The following MYT1L variants were observed in gnomAD, a reference collection of about 807,000 sequenced individuals.
MYT1L encodes myelin transcription factor 1 like, also known as myelin transcription factor 1-like protein.
A neutral mutation model predicts 126.7 loss-of-function variants in MYT1L; 12 were observed. The ratio of observed to expected loss-of-function variants is 0.09; its 90% CI spans 0.06 to 0.15. The LOEUF (loss-of-function observed/expected upper bound fraction) is 0.15, where lower values mean the gene tolerates loss of function less well. MYT1L is among the 10% of genes least tolerant of loss of function. The probability of loss-of-function intolerance (pLI) is 1.00; values close to 1 mark genes in which losing one functional copy is unlikely to be tolerated. For synonymous variants in MYT1L, 541 were observed against 604.2 expected, an observed-to-expected ratio of 0.90 and a Z score of 1.53; for missense variants, 979 against 1,585.2, an observed-to-expected ratio of 0.62 and a Z score of 6.49.
chr2:1,867,346 G>C lies in MYT1L; in HGVS notation c.2712-15643C>G, dbSNP rs191939493. On this transcript the variant is annotated intron_variant, in intron 18 of 24. Transcript: ENST00000647738. Reference sequence around the variant, plus strand: ...ACTCAGGCTATGAGCATCTTTCAGAGGCCCCATTGTCTTGGCTCTCACCCC... The same window carrying C: ...ACTCAGGCTATGAGCATCTTTCAGACGCCCCATTGTCTTGGCTCTCACCCC... 1.3e-3 allele frequency among the ~76,000 whole-genome samples: 197 copies of C among 152,228 alleles called. 2 individuals are homozygous for C. The highest frequency in any genetic ancestry group is 4.6e-3 in the African/African-American group (190 of 41,532).
intron 9 of MYT1L, among the ~76,000 whole-genome samples, chr2:1,941,861 C>A (rs1037743552): frequency 1.3e-5 from 2 of 152,124 alleles, no homozygotes; most frequent in Non-Finnish European, 2.9e-5. Flanking sequence ...AGGATTATTT[C>A]ATAAAATTCA....
intron 2 of MYT1L, among the ~76,000 whole-genome samples, chr2:2,282,036 A>G (rs2095454826): frequency 6.6e-6 from 1 of 152,214 alleles, no homozygotes; most frequent in Non-Finnish European, 1.5e-5. Context: ...TCAGAGTTAC[A>G]CATCAGAAAC....
At chr2:1,876,234 C>T (rs1016416627) in intron 18 of MYT1L, among the ~76,000 whole-genome samples, 2 of 152,126 alleles carry the variant, frequency 1.3e-5, no homozygotes, top group African/African-American at 2.4e-5. Flanking sequence ...TTCTGTGGGC[C>T]CCTCTCGCTG....
chr2:1,962,254 C>T (rs1458469468), intron 8 of MYT1L, among the ~76,000 whole-genome samples: 1 of 151,956 alleles, frequency 6.6e-6, no homozygotes. Context: ...CAGAGAGGCA[C>T]AAAAATCAAT....
chr2:2,098,099 C>A (rs888055928), intron 3 of MYT1L, among the ~76,000 whole-genome samples: 3 of 152,188 alleles, frequency 2.0e-5, no homozygotes, highest in African/African-American at 7.2e-5. Context: ...GTGCAACCTG[C>A]AGAACCATGA....
intron 2 of MYT1L, among the ~76,000 whole-genome samples, chr2:2,260,234 C>A (rs1290042356): frequency 2.6e-5 from 4 of 152,188 alleles, no homozygotes; most frequent in Admixed American, 2.0e-4. Flanking sequence ...ACTGTCTGTG[C>A]CTCCGTGACC....
chr2:2,220,768 G>A (rs2148981373), intron 2 of MYT1L, among the ~76,000 whole-genome samples: 1 of 152,082 alleles, frequency 6.6e-6, no homozygotes, highest in African/African-American at 2.4e-5. Flanking sequence ...TATATATATG[G>A]TTAAATAAAA....
chr2:2,294,252 A>G (rs2149479782), intron 1 of MYT1L, among the ~76,000 whole-genome samples: 1 of 152,256 alleles, frequency 6.6e-6, no homozygotes, highest in Non-Finnish European at 1.5e-5. Context: ...ACAACTGGCC[A>G]TCTGAGGGGA....
chr2:2,296,685 G>C (rs1400714694), intron 1 of MYT1L, among the ~76,000 whole-genome samples: 1 of 152,156 alleles, frequency 6.6e-6, no homozygotes, highest in Non-Finnish European at 1.5e-5. Context: ...ACACAGAAAG[G>C]AGAGACACTT....
intron 9 of MYT1L, among the ~76,000 whole-genome samples, chr2:1,933,158 T>C (rs2055251208): frequency 6.6e-6 from 1 of 151,804 alleles, no homozygotes; most frequent in Admixed American, 6.6e-5. Flanking sequence ...ATCCAACTCA[T>C]GTTGGTCTAA....
chr2:2,311,578 C>T (rs372892893), intron 1 of MYT1L, among the ~76,000 whole-genome samples: 12 of 152,248 alleles, frequency 7.9e-5, no homozygotes, highest in African/African-American at 2.9e-4. Context: ...CTTTGGGGGG[C>T]ACCATTCAGG....
intron 4 of MYT1L, among the ~76,000 whole-genome samples, chr2:2,033,476 C>T (rs925268381): frequency 6.6e-6 from 1 of 152,234 alleles, no homozygotes; most frequent in Non-Finnish European, 1.5e-5. Context: ...CATCCTATGG[C>T]AACGAGGCAG....
chr2:2,261,122 G>T (rs1262240001), intron 2 of MYT1L, among the ~76,000 whole-genome samples: 1 of 148,646 alleles, frequency 6.7e-6, no homozygotes, highest in African/African-American at 2.5e-5. Context: ...TCCCTGCTGG[G>T]GTGCATGTGT....
intron 18 of MYT1L, among the ~76,000 whole-genome samples, chr2:1,872,217 T>C (rs1573069298): frequency 6.6e-6 from 1 of 152,194 alleles, no homozygotes; most frequent in South Asian, 2.1e-4. Context: ...CGGAGAGCTA[T>C]GTTCCGACCC....
In MYT1L at chr2:2,126,287, T is replaced by C. The variant is rs373222517; in HGVS notation, c.-304+46585A>G. On this transcript the variant is annotated intron_variant, in intron 3 of 24. Transcript: ENST00000647738. ...CAATAAACAATGATCCTCATTATCA[T>C]AGGAAATGCATTTTAATGTTTGCAC... Among the ~76,000 whole-genome samples, 6 of 152,232 alleles carry C rather than the reference T, an allele frequency of 3.9e-5. No homozygotes were observed. In the East Asian group the frequency reaches 9.6e-4, roughly 24 times the overall value.
chr2:2,254,387 G>A (rs1026419361), intron 2 of MYT1L, among the ~76,000 whole-genome samples: 7 of 152,146 alleles, frequency 4.6e-5, no homozygotes, highest in South Asian at 4.1e-4. Context: ...CAGGATCTCC[G>A]GGAGGCCTGG....
Position 1,892,190 on chromosome 2 carries a change from G to A in MYT1L, c.2130C>T (p.Ser710=), listed in dbSNP as rs1187981330. The change falls in exon 15 of 25, where the codon AGC becomes AGT. Residue 710 remains serine, a synonymous_variant. Transcript: ENST00000647738. ...SSNLSCGGGS[S]ASSTCSKSSF... is the part of the protein sequence containing the mutation. ...TGCTCTTGCTGCACGTGCTGCTGGCGCTGCTGCCCCCGCCGCAGCTCAGGT... is the reference window on the plus strand; with the variant it reads ...TGCTCTTGCTGCACGTGCTGCTGGCACTGCTGCCCCCGCCGCAGCTCAGGT... 9 of 1,549,354 alleles carry A rather than the reference G, an allele frequency of 5.8e-6. No homozygotes were observed. The Admixed American group carries it at 5.9e-5, about 10-fold the overall frequency.
intron 2 of MYT1L, among the ~76,000 whole-genome samples, chr2:2,203,104 G>T (rs998021070): frequency 6.8e-6 from 1 of 147,350 alleles, no homozygotes; most frequent in African/African-American, 2.5e-5. Context: ...AATAAACTAG[G>T]TATTGATGGG....
intron 3 of MYT1L, among the ~76,000 whole-genome samples, chr2:2,122,959 T>C (rs2081246403): frequency 6.7e-6 from 1 of 149,958 alleles, no homozygotes; most frequent in Non-Finnish European, 1.5e-5. Context: ...ACAGGGACAG[T>C]AGGAGAGAGA....
Sources: allele counts gnomAD v4.1 joint callset (sites outside exome capture counted in the v4.1 genomes callset), GRCh38; gene constraint gnomAD v4.1.1; transcripts MANE v1.5; gene names NCBI Gene and HGNC (gene_info 2026-07-23, HGNC 2026-07-21).